PARP8: variants seen among roughly 807,000 people sequenced by gnomAD.
PARP8 encodes the protein protein mono-ADP-ribosyltransferase PARP8.
Under a neutral mutation model 124.1 loss-of-function variants are expected in PARP8, and 51 were observed. The ratio of observed to expected loss-of-function variants is 0.41; its 90% confidence interval spans 0.33 to 0.52. The LOEUF (loss-of-function observed/expected upper bound fraction) is 0.52, where lower values mean the gene tolerates loss of function less well. Ranked by LOEUF, PARP8 falls within the 20% of genes least tolerant of loss-of-function variation. PARP8 has a pLI of 0.21. For missense variants in PARP8, 860 were observed against 1,018.9 expected, an observed-to-expected ratio of 0.84 and a Z score of 2.12; for synonymous variants, 391 against 361.5, an observed-to-expected ratio of 1.08 and a Z score of -0.93.
intron 3 of PARP8, 51 bp downstream of exon 3, chr5:50,750,239 T>A (rs779108106): frequency 7.0e-7 from 1 of 1,434,742 alleles, no homozygotes. Flanking sequence ...TTCCTTTGAA[T>A]ATTTTTTTCT....
chr5:50,830,536 C>T (rs975273693), intron 22 of PARP8, among the ~76,000 whole-genome samples: 1 of 152,092 alleles, frequency 6.6e-6, no homozygotes, highest in Non-Finnish European at 1.5e-5. Flanking sequence ...CATTACTTAT[C>T]CTTGGTGGAA....
intron 12 of PARP8, among the ~76,000 whole-genome samples, chr5:50,796,129 T>C (rs1051448945): frequency 6.6e-6 from 1 of 152,252 alleles, no homozygotes; most frequent in Non-Finnish European, 1.5e-5. Flanking sequence ...ACCTATCTTA[T>C]GTATATTATT....
intron 2 of PARP8, among the ~76,000 whole-genome samples, chr5:50,734,447 A>C (rs2149523494): frequency 6.6e-6 from 1 of 152,282 alleles, no homozygotes; most frequent in East Asian, 1.9e-4. Context: ...AAGTCATGAT[A>C]ATCATATATT....
intron 3 of PARP8, among the ~76,000 whole-genome samples, chr5:50,754,905 G>A (rs994181533): frequency 7.9e-5 from 12 of 152,086 alleles, no homozygotes; most frequent in African/African-American, 2.9e-4. Flanking sequence ...ATCTCATTGT[G>A]GTTTTGATTT....
intron 2 of PARP8, among the ~76,000 whole-genome samples, chr5:50,717,573 G>T (rs1755448630): frequency 2.6e-5 from 4 of 151,806 alleles, no homozygotes. Context: ...AAGAGTAGAT[G>T]ATACAATATC....
chr5:50,781,177 G>A (rs1209242089), intron 9 of PARP8, among the ~76,000 whole-genome samples: 18 of 151,944 alleles, frequency 1.2e-4, no homozygotes, highest in Admixed American at 1.2e-3. Flanking sequence ...TCCACTGAGT[G>A]AATTTTTTTC....
intron 2 of PARP8, among the ~76,000 whole-genome samples, chr5:50,704,753 C>A (rs1328345355): frequency 2.6e-5 from 4 of 152,164 alleles, no homozygotes; most frequent in African/African-American, 9.6e-5. Flanking sequence ...CTGATTTCAT[C>A]TACTCTTTAC....
chr5:50,801,460 C>T (rs1181507232), intron 14 of PARP8, among the ~76,000 whole-genome samples: 3 of 152,010 alleles, frequency 2.0e-5, no homozygotes, highest in Admixed American at 1.3e-4. Flanking sequence ...GGAATTGGTC[C>T]GTTTTGTCTC....
chr5:50,714,375 CT>C lies in PARP8; in HGVS notation c.147-35772del, dbSNP rs1230927280. ...CTCTTAGAACAGAATTACAGTTTTT[CT>C]TTTCTATTTTTTAAACCATTTATTT... On this transcript the variant is annotated intron_variant, in intron 2 of 25. Coordinates refer to ENST00000281631, the MANE Select transcript of PARP8 (RefSeq NM_024615.4). Among the ~76,000 whole-genome samples, 7 of 152,064 alleles carry C rather than the reference CT, an allele frequency of 4.6e-5. No individual in the cohort carries two copies. In the East Asian group the frequency reaches 1.4e-3, roughly 30 times the overall value.
chr5:50,783,685 T>C (rs1030427427), intron 9 of PARP8, among the ~76,000 whole-genome samples: 13 of 152,176 alleles, frequency 8.5e-5, no homozygotes, highest in African/African-American at 3.1e-4. Context: ...TTATGGACTT[T>C]ATGACAGTCA....
rs375457422 is a variant in PARP8 at position 50,744,616 on chromosome 5, A to T, written c.147-5535A>T. ...TTAAGAACCATGCATCACACTGTTC[A>T]TATAATATATACCAAACACATATTT... On this transcript the variant is annotated intron_variant, in intron 2 of 25. Coordinates refer to ENST00000281631, the MANE Select transcript of PARP8 (RefSeq NM_024615.4). The T allele has an allele frequency of 2.4e-5, 15 of 638,182 alleles. No homozygotes were observed. In the East Asian group the frequency reaches 2.4e-4, roughly 10 times the overall value. The allele number at this position is 638,182 out of a possible 1,614,324, so 39.5% of individuals were successfully genotyped here.
chr5:50,707,120 G>A (rs1170561962), intron 2 of PARP8, among the ~76,000 whole-genome samples: 4 of 151,850 alleles, frequency 2.6e-5, no homozygotes, highest in East Asian at 1.9e-4. Flanking sequence ...AACCTTTTTT[G>A]TACACATAAG....
At chr5:50,735,847 T>G (rs1214029087) in intron 2 of PARP8, among the ~76,000 whole-genome samples, 1 of 151,168 alleles carries the variant, frequency 6.6e-6, no homozygotes, top group African/African-American at 2.4e-5. Flanking sequence ...TAACCTTATC[T>G]AGGTCAGGTA....
intron 2 of PARP8, among the ~76,000 whole-genome samples, chr5:50,683,249 A>G (rs555435419): frequency 6.6e-6 from 1 of 152,302 alleles, no homozygotes; most frequent in Admixed American, 6.5e-5. Flanking sequence ...TGTAGATTCC[A>G]TCAATATTCA....
intron 7 of PARP8, among the ~76,000 whole-genome samples, chr5:50,773,392 A>T (rs1451326530): frequency 3.3e-5 from 5 of 152,190 alleles, no homozygotes; most frequent in Non-Finnish European, 2.9e-5. Context: ...TTGCATGTGC[A>T]TGGACAGTTT....
intron 12 of PARP8, among the ~76,000 whole-genome samples, chr5:50,796,296 ATTC>A (rs1742545466): frequency 2.6e-5 from 4 of 152,208 alleles, no homozygotes; most frequent in African/African-American, 9.6e-5. Flanking sequence ...AAGTAATGTT[ATTC>A]TTATATAGGT....
chr5:50,695,247 G>A (rs1250197177), intron 2 of PARP8, among the ~76,000 whole-genome samples: 1 of 152,198 alleles, frequency 6.6e-6, no homozygotes, highest in Non-Finnish European at 1.5e-5. Flanking sequence ...ATATTGCATT[G>A]TAGCAAGTGC....
chr5:50,811,592 G>C (rs1297773355), intron 14 of PARP8, among the ~76,000 whole-genome samples: 2 of 150,714 alleles, frequency 1.3e-5, no homozygotes, highest in Non-Finnish European at 3.0e-5. Context: ...ATTTCCATTG[G>C]GTGTTTTTTT....
At chr5:50,684,475 G>A (rs1316734326) in intron 2 of PARP8, among the ~76,000 whole-genome samples, 1 of 151,616 alleles carries the variant, frequency 6.6e-6, no homozygotes, top group African/African-American at 2.4e-5. Flanking sequence ...GCTGGATTGA[G>A]AATAATGTGA....
Sources: allele counts gnomAD v4.1 joint callset (sites outside exome capture counted in the v4.1 genomes callset), GRCh38; gene constraint gnomAD v4.1.1; transcripts MANE v1.5; gene names NCBI Gene and HGNC (gene_info 2026-07-23, HGNC 2026-07-21).